LCOR: variants seen among roughly 807,000 people sequenced by gnomAD.
The protein encoded by LCOR is ligand dependent nuclear receptor corepressor, also known as ligand-dependent corepressor.
Under a neutral mutation model 64.4 loss-of-function variants are expected in LCOR, and 14 were observed. The observed-to-expected ratio is 0.22, with a 90% confidence interval of 0.14 to 0.34. The LOEUF is 0.34. Among genes scored for constraint, LCOR ranks in the 10% least tolerant of loss-of-function variants. LCOR has a pLI of 1.00. For missense variants in LCOR, 1,686 were observed against 1,765.3 expected, an observed-to-expected ratio of 0.96 and a Z score of 0.80; for synonymous variants, 643 against 642.5, an observed-to-expected ratio of 1.00 and a Z score of -0.01.
chr10:96,896,100 A>G (rs1303583420), intron 2 of LCOR, among the ~76,000 whole-genome samples: 1 of 152,098 alleles, frequency 6.6e-6, no homozygotes, highest in Non-Finnish European at 1.5e-5. Context: ...AAAAAGAAAA[A>G]AAAATCTTGC....
chr10:96,836,089 A>G (rs1397935428), intron 2 of LCOR, among the ~76,000 whole-genome samples: 1 of 152,218 alleles, frequency 6.6e-6, no homozygotes, highest in African/African-American at 2.4e-5. Context: ...TAGCTTGGCT[A>G]AAAATAGGAC....
intron 7 of LCOR, among the ~76,000 whole-genome samples, chr10:96,969,149 T>G (rs1270943441): frequency 6.6e-6 from 1 of 152,198 alleles, no homozygotes; most frequent in African/African-American, 2.4e-5. Context: ...CAGCACCTGA[T>G]GGGCATGAAT....
chr10:96,854,604 G>A (rs1845772886), intron 2 of LCOR, among the ~76,000 whole-genome samples: 1 of 152,196 alleles, frequency 6.6e-6, no homozygotes, highest in African/African-American at 2.4e-5. Flanking sequence ...TGGGATTACA[G>A]GCTTGAGCCA....
At chr10:96,917,135 C>A (rs1373921918) in intron 4 of LCOR, among the ~76,000 whole-genome samples, 1 of 152,014 alleles carries the variant, frequency 6.6e-6, no homozygotes, top group South Asian at 2.1e-4. Context: ...TTTTTGTCTC[C>A]CAGTTCGTAG....
At chr10:96,923,668 C>T (rs2037368534) in intron 4 of LCOR, among the ~76,000 whole-genome samples, 1 of 152,186 alleles carries the variant, frequency 6.6e-6, no homozygotes, top group African/African-American at 2.4e-5. Context: ...ACCATATTAA[C>T]TATTTATTGC....
At chr10:96,944,954 A>G (rs927805416) in intron 5 of LCOR, among the ~76,000 whole-genome samples, 5 of 152,196 alleles carry the variant, frequency 3.3e-5, no homozygotes, top group African/African-American at 1.2e-4. Flanking sequence ...CATAATTACC[A>G]TCAGCCAGAA....
rs1282883938 is a variant in LCOR, at chr10:96,984,965, A to T, written c.4505A>T (p.Glu1502Val). 1.2e-6 allele frequency: 2 copies of T among 1,614,096 alleles called. No individual in the cohort carries two copies. The highest frequency in any genetic ancestry group is 1.3e-5 in the African/African-American group (1 of 74,950). Reference sequence around the variant, plus strand: ...CCTGCAAAACAGAAGGGGGCCGGTGAATCCTCTTCAAGGCCTCAGAAAGCC... The same window carrying T: ...CCTGCAAAACAGAAGGGGGCCGGTGTATCCTCTTCAAGGCCTCAGAAAGCC... ...TKPAKQKGAG[E>V]SSSRPQKATN... Residue 1502 changes from glutamate (E) to valine (V), a missense_variant, in exon 8 of 8, where the codon GAA (glutamate) becomes GTA (valine). Coordinates refer to ENST00000421806, the MANE Select transcript of LCOR (RefSeq NM_001346516.2).
intron 4 of LCOR, among the ~76,000 whole-genome samples, chr10:96,927,343 TA>T (rs1847186209): frequency 6.6e-6 from 1 of 151,546 alleles, no homozygotes; most frequent in Non-Finnish European, 1.5e-5. Flanking sequence ...TAGAAAACAT[TA>T]TTATAAGTTA....
At chr10:96,921,681 C>A (rs1847084525) in intron 4 of LCOR, among the ~76,000 whole-genome samples, 1 of 152,160 alleles carries the variant, frequency 6.6e-6, no homozygotes, top group African/African-American at 2.4e-5. Context: ...CCAGGCTGGT[C>A]TCAAACTCCT....
At chr10:96,935,185 G>A (rs1589666428) in intron 4 of LCOR, among the ~76,000 whole-genome samples, 1 of 106,662 alleles carries the variant, frequency 9.4e-6, no homozygotes, top group East Asian at 3.0e-4. Flanking sequence ...GTGTCACTCT[G>A]TCACCCAGTC....
Position 96,849,154 on chromosome 10 carries a change from A to G in LCOR, c.-330+15675A>G, listed in dbSNP as rs150014011. The stretch of plus-strand genomic sequence containing the variant: ...AGTGGCACAATCTCAGCTTACTGCA[A>G]CCTCCGTTTCCTGGCTTCAAGTGAT... On this transcript the variant is annotated intron_variant, in intron 2 of 7. Transcript: ENST00000421806. Among the ~76,000 whole-genome samples the G allele has an allele frequency of 9.1e-5, 12 of 131,900 alleles. No individual in the cohort carries two copies. The Admixed American group carries it at 1.0e-3, about 11-fold the overall frequency. The allele number at this position is 131,900 out of a possible 152,430, so 86.5% of individuals were successfully genotyped here. A position where few individuals can be genotyped will look rare whatever the true frequency, so the allele number is the denominator to read the frequency against.
chr10:96,868,560 C>T (rs906756334), intron 2 of LCOR, among the ~76,000 whole-genome samples: 33 of 152,028 alleles, frequency 2.2e-4, no homozygotes, highest in Non-Finnish European at 5.9e-5. Flanking sequence ...AGGCGTGAGC[C>T]ACTCTTCCTG....
At chr10:96,876,791 T>A (rs1327224187) in intron 2 of LCOR, among the ~76,000 whole-genome samples, 1 of 152,040 alleles carries the variant, frequency 6.6e-6, no homozygotes, top group Admixed American at 6.6e-5. Context: ...CCGGGTTCAG[T>A]GATTCTCCTG....
At chr10:96,863,342 T>A (rs1422602581) in intron 2 of LCOR, among the ~76,000 whole-genome samples, 1 of 150,996 alleles carries the variant, frequency 6.6e-6, no homozygotes, top group East Asian at 1.9e-4. Context: ...TAGCTGGGAT[T>A]ACAGGCATGC....
rs186627893 is a variant in LCOR at position 96,833,520 on chromosome 10, C to T, written c.-330+41C>T. The T allele has an allele frequency of 4.0e-5, 35 of 868,752 alleles. No individual in the cohort carries two copies. In the East Asian group the frequency reaches 3.7e-3, roughly 92 times the overall value. The allele number at this position is 868,752 out of a possible 1,614,324, so 53.8% of individuals were successfully genotyped here. On this transcript the variant is annotated intron_variant, in intron 2 of 7. Coordinates refer to ENST00000421806, the MANE Select transcript of LCOR (RefSeq NM_001346516.2). Reference sequence around the variant, plus strand: ...GGTGTCTCCGCTCCGCCCGCCGCCCCCTAGCCCCAGTCCATCCTTGTGTCT... The same window carrying T: ...GGTGTCTCCGCTCCGCCCGCCGCCCTCTAGCCCCAGTCCATCCTTGTGTCT...
chr10:96,958,478 G>C, intron 7 of LCOR: 1 of 914,424 alleles, frequency 1.1e-6, no homozygotes. Context: ...AAGAGAACTT[G>C]TATTGTGTCA....
At chr10:96,954,241 G>A (rs1177317575) in intron 7 of LCOR, among the ~76,000 whole-genome samples, 1 of 152,156 alleles carries the variant, frequency 6.6e-6, no homozygotes, top group Non-Finnish European at 1.5e-5. Context: ...AACTAGTAGT[G>A]TTTTAAAATG....
At chr10:96,863,857 TC>T (rs1254633902) in intron 2 of LCOR, among the ~76,000 whole-genome samples, 1 of 152,232 alleles carries the variant, frequency 6.6e-6, no homozygotes, top group Non-Finnish European at 1.5e-5. Context: ...CATGATGCTA[TC>T]TTTTGTCTCT....
chr10:96,909,983 A>C (rs1424955395), intron 4 of LCOR, among the ~76,000 whole-genome samples: 2 of 152,108 alleles, frequency 1.3e-5, no homozygotes, highest in African/African-American at 4.8e-5. Context: ...TCAGGTTAGG[A>C]TGAGGAAGAG....
Sources: allele counts gnomAD v4.1 joint callset (sites outside exome capture counted in the v4.1 genomes callset), GRCh38; gene constraint gnomAD v4.1.1; transcripts MANE v1.5; gene names NCBI Gene and HGNC (gene_info 2026-07-23, HGNC 2026-07-21).